The following VSTM5 variants were observed in gnomAD, a reference collection of about 807,000 sequenced individuals.
VSTM5 encodes V-set and transmembrane domain containing 5.
VSTM5 carries 21 observed loss-of-function variants against 20.3 expected under a neutral mutation model. The observed-to-expected ratio is 1.03, with a 90% CI of 0.73 to 1.49. The LOEUF is 1.49. Ranked by LOEUF, VSTM5 falls within the 40% of genes most tolerant of loss-of-function variation. The probability of loss-of-function intolerance (pLI) is 0.00; values close to 1 mark genes in which losing one functional copy is unlikely to be tolerated. For missense variants in VSTM5, 219 were observed against 250.0 expected (o/e 0.88, Z 0.84); for synonymous variants, 100 against 102.5 (o/e 0.98, Z 0.14).
At chr11:93,841,830 C>G (rs1442703267) in intron 1 of VSTM5, among the ~76,000 whole-genome samples, 1 of 152,286 alleles carries the variant, frequency 6.6e-6, no homozygotes, top group Middle Eastern at 3.4e-3. Flanking sequence ...TTAACAGAAC[C>G]AGGGTCAATG....
intron 1 of VSTM5, among the ~76,000 whole-genome samples, chr11:93,835,228 C>T (rs906439176): frequency 4.0e-5 from 6 of 151,890 alleles, no homozygotes; most frequent in Admixed American, 3.9e-4. Flanking sequence ...AGTTCGAGAG[C>T]AGCCTGGGCA....
intron 3 of VSTM5, 27 bp downstream of exon 3, chr11:93,820,716 G>A: frequency 6.4e-7 from 1 of 1,551,604 alleles, no homozygotes; most frequent in African/African-American, 1.4e-5. Context: ...AACCACTCAT[G>A]GATTATCACA....
At chr11:93,842,269 C>T (rs552594706) in intron 1 of VSTM5, among the ~76,000 whole-genome samples, 8 of 152,136 alleles carry the variant, frequency 5.3e-5, no homozygotes, top group South Asian at 4.1e-4. Flanking sequence ...GATCTGAGAC[C>T]GGGAGTGTTG....
intron 1 of VSTM5, among the ~76,000 whole-genome samples, chr11:93,839,732 C>T (rs374490693): frequency 6.6e-6 from 1 of 152,140 alleles, no homozygotes; most frequent in African/African-American, 2.4e-5. Flanking sequence ...CTGCGCTCTA[C>T]CCAAAGCTCC....
chr11:93,822,620 C>T (rs1375932793), intron 1 of VSTM5, among the ~76,000 whole-genome samples: 1 of 152,148 alleles, frequency 6.6e-6, no homozygotes, highest in Non-Finnish European at 1.5e-5. Context: ...GCTGGGATTA[C>T]AGGCATGTGC....
intron 1 of VSTM5, among the ~76,000 whole-genome samples, chr11:93,835,660 C>T (rs530552575): frequency 7.9e-5 from 12 of 152,252 alleles, no homozygotes; most frequent in African/African-American, 2.6e-4. Context: ...CACAACTGCA[C>T]CTTTGAGTAT....
chr11:93,849,436 CA>C (rs1259061177), intron 1 of VSTM5, among the ~76,000 whole-genome samples: 3 of 152,202 alleles, frequency 2.0e-5, no homozygotes, highest in Non-Finnish European at 4.4e-5. Context: ...GGAATACAGG[CA>C]TGAGCCCCTG....
intron 1 of VSTM5, among the ~76,000 whole-genome samples, chr11:93,829,399 G>C (rs557334407): frequency 3.7e-4 from 56 of 152,198 alleles, no homozygotes; most frequent in Non-Finnish European, 6.6e-4. Flanking sequence ...GTGGTGGCTG[G>C]CGCCTGTAAT....
intron 1 of VSTM5, among the ~76,000 whole-genome samples, chr11:93,831,919 A>G (rs1238254200): frequency 1.3e-5 from 2 of 152,234 alleles, no homozygotes; most frequent in Admixed American, 6.5e-5. Flanking sequence ...TCAGGAGTGC[A>G]TGGAAGTTAC....
chr11:93,847,104 T>G (rs1944420357), intron 1 of VSTM5, among the ~76,000 whole-genome samples: 1 of 152,152 alleles, frequency 6.6e-6, no homozygotes, highest in Non-Finnish European at 1.5e-5. Context: ...GAAACTCACT[T>G]TTTTTCCAGT....
Position 93,821,133 on chromosome 11 carries a change from C to T in VSTM5, c.282G>A (p.Lys94=). The T allele has an allele frequency of 1.3e-6, 2 of 1,552,152 alleles. No individual in the cohort carries two copies. The highest frequency in any genetic ancestry group is 1.7e-6 in the Non-Finnish European group (2 of 1,147,100). ...CGTTGTCAAAGGTGCAGACTCTGTC[C>T]TTGTGGCTTTGAGAGATGTTGGCCT... The part of the protein sequence containing the change: ...GTQANISQSH[K]DRVCTFDNGS... Residue 94 remains lysine, a synonymous_variant, in exon 2 of 4, where the codon AAG becomes AAA. Coordinates refer to ENST00000409977, the MANE Select transcript of VSTM5 (RefSeq NM_001144871.2).
Position 93,824,751 on chromosome 11 carries a change from TC to T in VSTM5, c.92-3429del, listed in dbSNP as rs576912121. On this transcript the variant is annotated intron_variant, in intron 1 of 3. Transcript: ENST00000409977. ...CAAAAAGTTATTGCCAAGACCAATG[TC>T]AAGAAGTTTTTCCCCTATTTTCCCT... Among the ~76,000 whole-genome samples the T allele has an allele frequency of 5.1e-4, 77 of 152,348 alleles. 1 individual carries two copies. The South Asian group carries it at 7.7e-3, about 15-fold the overall frequency.
rs138896129 is a variant in VSTM5, at chr11:93,840,593, C to G, written c.91+9819G>C. Among the ~76,000 whole-genome samples, 48 of 152,298 alleles carry G rather than the reference C, an allele frequency of 3.2e-4. No homozygotes were observed. The East Asian group carries it at 7.9e-3, about 25-fold the overall frequency. On this transcript the variant is annotated intron_variant, in intron 1 of 3. Coordinates refer to ENST00000409977, the MANE Select transcript of VSTM5 (RefSeq NM_001144871.2). ...ATCACTCAAATTTTACTGTATCTGG[C>G]TAGTCCTATTTCTAGGGATGCTCTG... is the stretch of plus-strand genomic sequence containing the variant.
rs1036618463 is a variant in VSTM5, at chr11:93,850,504, G to T, written c.-2C>A. On this transcript the variant is annotated 5_prime_UTR_variant, in exon 1 of 4. Coordinates refer to ENST00000409977, the MANE Select transcript of VSTM5 (RefSeq NM_001144871.2). ...CCTCCCGCTGGGCAGAGGCCTCATG[G>T]GCGAGCCCGGGGCCTCGCGGGCCGG... 6.5e-6 allele frequency: 10 copies of T among 1,548,098 alleles called. No individual in the cohort carries two copies. The highest frequency in any genetic ancestry group is 8.7e-6 in the Non-Finnish European group (10 of 1,145,848).
chr11:93,826,809 T>A (rs1944242637), intron 1 of VSTM5, among the ~76,000 whole-genome samples: 1 of 152,206 alleles, frequency 6.6e-6, no homozygotes, highest in Non-Finnish European at 1.5e-5. Context: ...TTTATTTGTT[T>A]CAAGATTTTT....
chr11:93,832,283 A>T (rs1944289317), intron 1 of VSTM5, among the ~76,000 whole-genome samples: 2 of 152,250 alleles, frequency 1.3e-5, no homozygotes. Flanking sequence ...AAAAATAATG[A>T]AAAAAGTAGA....
At chr11:93,821,405 C>A in intron 1 of VSTM5, 82 bp from the exon 2 acceptor site, 1 of 1,260,732 alleles carries the variant, frequency 7.9e-7, no homozygotes, top group South Asian at 1.5e-5. Context: ...TGATCTATTA[C>A]ACAAATATTT....
At chr11:93,834,517 C>T (rs930596755) in intron 1 of VSTM5, among the ~76,000 whole-genome samples, 1 of 152,124 alleles carries the variant, frequency 6.6e-6, no homozygotes, top group Non-Finnish European at 1.5e-5. Context: ...TGGCTCATGC[C>T]TGTAATCCCA....
intron 1 of VSTM5, among the ~76,000 whole-genome samples, chr11:93,832,196 G>A (rs564447257): frequency 2.0e-5 from 3 of 152,246 alleles, no homozygotes; most frequent in East Asian, 3.9e-4. Flanking sequence ...TAAAATATCA[G>A]TATTCATGTT....
Sources: gnomAD v4.1 joint callset for allele counts (sites outside exome capture counted in the v4.1 genomes callset) on GRCh38, gnomAD v4.1.1 for gene constraint, MANE v1.5 for transcripts, NCBI Gene and HGNC (gene_info 2026-07-23, HGNC 2026-07-21) for gene names.